Variants in SCAPER observed in about 807,000 individuals in gnomAD.
SCAPER encodes S phase cyclin A-associated protein in the endoplasmic reticulum.
In SCAPER, 98 loss-of-function variants were observed where a neutral mutation model predicts 182.2. That is an observed-to-expected ratio of 0.54 (90% CI 0.46 to 0.64). The LOEUF is 0.64. SCAPER is among the 30% of genes least tolerant of loss of function. The pLI is 0.00. For synonymous variants in SCAPER, 605 were observed against 564.6 expected (o/e 1.07, Z -1.01); for missense variants, 1,432 against 1,690.0 (o/e 0.85, Z 2.68).
At position 76,510,858 on chromosome 15, in the gene SCAPER, T is replaced by TGC. The variant is rs1316138543; in HGVS notation, c.2839-5886_2839-5885dup. The stretch of plus-strand genomic sequence containing the variant: ...ATCAACAAGTGGATAAAGAAACTGG[T>TGC]GCGCGCGTGTGTGTGTGTGTGTGTG... On this transcript the variant is annotated intron_variant, in intron 23 of 31. Transcript: ENST00000563290. Among the ~76,000 whole-genome samples, 660 of 132,870 alleles carry TGC rather than the reference T, an allele frequency of 5.0e-3. 6 individuals are homozygous for TGC. The highest frequency in any genetic ancestry group is 0.019 in the African/African-American group (579 of 31,152). The allele number at this position is 132,870 out of a possible 152,430, so 87.2% of individuals were successfully genotyped here.
At chr15:76,458,032 T>C (rs1004808799) in intron 25 of SCAPER, among the ~76,000 whole-genome samples, 6 of 152,114 alleles carry the variant, frequency 3.9e-5, no homozygotes, top group Non-Finnish European at 8.8e-5. Context: ...TTGAAGGATA[T>C]TTTGATGGAT....
At chr15:76,552,705 C>T (rs1013909484) in intron 23 of SCAPER, among the ~76,000 whole-genome samples, 1 of 152,162 alleles carries the variant, frequency 6.6e-6, no homozygotes, top group Non-Finnish European at 1.5e-5. Context: ...GCTGCAGGAA[C>T]TGATGCAGTG....
At chr15:76,435,290 T>C (rs1465303260) in intron 25 of SCAPER, among the ~76,000 whole-genome samples, 2 of 152,256 alleles carry the variant, frequency 1.3e-5, no homozygotes, top group Non-Finnish European at 2.9e-5. Flanking sequence ...ATTATGACTA[T>C]GCAAATATTC....
At chr15:76,754,273 T>A (rs1333225679) in intron 14 of SCAPER, among the ~76,000 whole-genome samples, 1 of 152,106 alleles carries the variant, frequency 6.6e-6, no homozygotes, top group Non-Finnish European at 1.5e-5. Context: ...GGCTTAGACA[T>A]GCCTCTACAG....
rs1367193951 is a variant in SCAPER at position 76,511,883 on chromosome 15, ATATT to A, written c.2839-6913_2839-6910del. 7.1e-3 allele frequency among the ~76,000 whole-genome samples: 798 copies of A among 111,964 alleles called. 12 individuals are homozygous for A. Among genetic ancestry groups the A allele is most frequent in the African/African-American group, 0.026 (759 of 29,056 alleles). 73.5% of individuals were successfully genotyped at this position (111,964 alleles called of 152,430 possible). On this transcript the variant is annotated intron_variant, in intron 23 of 31. Coordinates refer to ENST00000563290, the MANE Select transcript of SCAPER (RefSeq NM_020843.4). ...TGTGTGTGTGTGTGTATATATATAT[ATATT>A]TTTTTTTTTTTTTGAGATGGAGTCT...
intron 27 of SCAPER, among the ~76,000 whole-genome samples, chr15:76,399,565 C>T (rs890351433): frequency 2.6e-5 from 4 of 152,196 alleles, no homozygotes; most frequent in Admixed American, 2.0e-4. Context: ...CAGAGGATCA[C>T]GATTTCAATT....
chr15:76,633,490 C>A (rs1319739558), intron 21 of SCAPER, among the ~76,000 whole-genome samples: 1 of 152,196 alleles, frequency 6.6e-6, no homozygotes, highest in Non-Finnish European at 1.5e-5. Context: ...CCCCCTCATC[C>A]GGGCTGCCCT....
Position 76,404,561 on chromosome 15 carries a change from G to T in SCAPER, c.3430C>A (p.His1144Asn), listed in dbSNP as rs370270532. The T allele has an allele frequency of 1.2e-6, 2 of 1,613,440 alleles. No homozygotes were observed. Among genetic ancestry groups the T allele is most frequent in the Non-Finnish European group, 1.7e-6 (2 of 1,179,692 alleles). Residue 1144 changes from histidine (H) to asparagine (N), a missense_variant, in exon 27 of 32, where the codon CAT becomes AAT. Transcript: ENST00000563290. ...IFLQHAAGLL[H>N]AMCTLCFAVT... is the part of the protein sequence containing the mutation. ...GCAAAGCACAGTGTACACATTGCATGTAAGAGTCCTGCGGCATGCTGCAGA... is the reference window on the plus strand; with the variant it reads ...GCAAAGCACAGTGTACACATTGCATTTAAGAGTCCTGCGGCATGCTGCAGA...
intron 23 of SCAPER, among the ~76,000 whole-genome samples, chr15:76,558,158 TTAAAC>T (rs2046328371): frequency 6.6e-6 from 1 of 152,086 alleles, no homozygotes; most frequent in Non-Finnish European, 1.5e-5. Flanking sequence ...TGGGATCTAA[TTAAAC>T]TAAAGAGTTT....
At chr15:76,774,546 T>C (rs1598646477) in intron 9 of SCAPER, 2 of 327,456 alleles carry the variant, frequency 6.1e-6, no homozygotes, top group East Asian at 1.5e-4. Context: ...TCTTTGGAGA[T>C]CCATGCTCTA....
chr15:76,788,564 T>TA (rs1424210359), intron 8 of SCAPER, among the ~76,000 whole-genome samples: 4 of 152,280 alleles, frequency 2.6e-5, no homozygotes, highest in Admixed American at 6.5e-5. Flanking sequence ...GTAACTGGTA[T>TA]ATTAATTCAT....
intron 17 of SCAPER, among the ~76,000 whole-genome samples, chr15:76,724,101 C>T (rs1186210764): frequency 1.3e-5 from 2 of 151,636 alleles, no homozygotes; most frequent in African/African-American, 4.8e-5. Context: ...TTCAGGAGCT[C>T]TTTTAGGGCA....
At chr15:76,791,239 TTGA>T (rs1256656828) in intron 8 of SCAPER, among the ~76,000 whole-genome samples, 2 of 152,214 alleles carry the variant, frequency 1.3e-5, no homozygotes, top group South Asian at 2.1e-4. Flanking sequence ...CCATATGTGC[TTGA>T]TTATGTATTT....
At chr15:76,881,832 A>G (rs2073558764) in intron 2 of SCAPER, among the ~76,000 whole-genome samples, 1 of 152,200 alleles carries the variant, frequency 6.6e-6, no homozygotes, top group South Asian at 2.1e-4. Context: ...TGTACTTAAT[A>G]CCACTGAACT....
intron 26 of SCAPER, among the ~76,000 whole-genome samples, chr15:76,427,927 C>T (rs1435128330): frequency 8.6e-6 from 1 of 116,894 alleles, no homozygotes; most frequent in East Asian, 2.9e-4. Context: ...GAGCAAAACT[C>T]CATCTCAAAA....
intron 14 of SCAPER, among the ~76,000 whole-genome samples, chr15:76,761,723 C>T (rs561298981): frequency 1.3e-5 from 2 of 152,248 alleles, no homozygotes; most frequent in South Asian, 2.1e-4. Flanking sequence ...TTCTGAAGAA[C>T]GTTTCATGCG....
At chr15:76,677,092 A>T (rs1291167846) in intron 20 of SCAPER, among the ~76,000 whole-genome samples, 1 of 152,138 alleles carries the variant, frequency 6.6e-6, no homozygotes, top group Non-Finnish European at 1.5e-5. Flanking sequence ...ATACCCTGTG[A>T]GACACAGTAG....
chr15:76,575,739 TTGAC>T (rs1163379439), intron 22 of SCAPER, among the ~76,000 whole-genome samples: 1 of 152,226 alleles, frequency 6.6e-6, no homozygotes, highest in African/African-American at 2.4e-5. Flanking sequence ...TTTCTCTGAT[TTGAC>T]TATTTCTTCA....
At chr15:76,382,366 A>C (rs557419279) in intron 27 of SCAPER, among the ~76,000 whole-genome samples, 31 of 145,400 alleles carry the variant, frequency 2.1e-4, no homozygotes, top group East Asian at 1.0e-3. Flanking sequence ...TTTTTCTTTT[A>C]TTTTTTTTTT....
Sources: allele counts gnomAD v4.1 joint callset (sites outside exome capture counted in the v4.1 genomes callset), GRCh38; gene constraint gnomAD v4.1.1; transcripts MANE v1.5; gene names NCBI Gene and HGNC (gene_info 2026-07-23, HGNC 2026-07-21).